RB1: variants seen among roughly 807,000 people sequenced by gnomAD.
RB1 encodes RB transcriptional corepressor 1.
A neutral mutation model predicts 135.4 loss-of-function variants in RB1; 18 were observed. The observed-to-expected ratio is 0.13, with a 90% CI of 0.09 to 0.20. RB1 has a LOEUF of 0.20. Among genes scored for constraint, RB1 ranks in the 10% least tolerant of loss-of-function variants. The pLI is 1.00. For missense variants in RB1, 868 were observed against 1,110.0 expected (o/e 0.78, Z 3.10); for synonymous variants, 365 against 373.2 (o/e 0.98, Z 0.25).
intron 17 of RB1, among the ~76,000 whole-genome samples, chr13:48,399,918 A>AGG: frequency 6.6e-6 from 1 of 152,120 alleles, no homozygotes; most frequent in Non-Finnish European, 1.5e-5. Context: ...AGAAATATTC[A>AGG]TAACTTGTCT....
At chr13:48,361,934 C>CTT (rs1275247703) in intron 7 of RB1, among the ~76,000 whole-genome samples, 1 of 136,108 alleles carries the variant, frequency 7.3e-6, no homozygotes, top group South Asian at 2.3e-4. Flanking sequence ...TATACTTAAT[C>CTT]ATCTGTAATT....
rs1949386739 is a variant in RB1 at position 48,459,889 on chromosome 13, C to CTTTCT, written c.2106+59_2106+63dup. The CTTTCT allele has an allele frequency of 4.8e-4, 122 of 251,982 alleles. 13 individuals carry two copies. The African/African-American group carries it at 0.012, about 24-fold the overall frequency. The allele number at this position is 251,982 out of a possible 1,614,324, so 15.6% of individuals were successfully genotyped here. ...CTCCCTACTTACTTGTTAACTGATTCTTTCTTTCTTTCTTTCTTTCTTTCT... is the reference window on the plus strand; with the variant it reads ...CTCCCTACTTACTTGTTAACTGATTCTTTCTTTTCTTTCTTTCTTTCTTTCTTTCT... On this transcript the variant is annotated intron_variant, in intron 20 of 26. Transcript: ENST00000267163.
chr13:48,362,769 T>C, intron 7 of RB1, 46 bp from the exon 8 acceptor site: 1 of 1,569,950 alleles, frequency 6.4e-7, no homozygotes, highest in Non-Finnish European at 8.8e-7. Context: ...CATTATTTTA[T>C]ATGATGGATG....
chr13:48,317,084 G>GCCGT (rs2138048758), intron 2 of RB1: 1 of 867,740 alleles, frequency 1.2e-6, no homozygotes, highest in East Asian at 4.3e-5. Context: ...GCCAGGGCCC[G>GCCGT]CCGTCCTTCT....
At chr13:48,420,115 G>A (rs1203121606) in intron 17 of RB1, among the ~76,000 whole-genome samples, 1 of 152,198 alleles carries the variant, frequency 6.6e-6, no homozygotes, top group Admixed American at 6.5e-5. Flanking sequence ...TATCCTTGAT[G>A]AATATCGACG....
intron 2 of RB1, among the ~76,000 whole-genome samples, chr13:48,331,071 A>C (rs1228996818): frequency 6.6e-6 from 1 of 152,224 alleles, no homozygotes; most frequent in Non-Finnish European, 1.5e-5. Context: ...AGTGTTTGAC[A>C]AAACTTAACA....
At position 48,307,262 on chromosome 13, in the gene RB1, A is replaced by T. The variant is rs2138033730; in HGVS notation, c.138-18A>T. 6.3e-7 allele frequency: 1 copy of T among 1,593,574 alleles called. No homozygotes were observed. The highest frequency in any genetic ancestry group is 8.6e-7 in the Non-Finnish European group (1 of 1,161,718). On this transcript the variant is annotated intron_variant, in intron 1 of 26. Coordinates refer to ENST00000267163, the MANE Select transcript of RB1 (RefSeq NM_000321.3). Reference sequence around the variant, plus strand: ...TTTATAAGTATATGCCAATTATATGATTATTTTCATTTGGTAGGCTTGAGT... The same window carrying T: ...TTTATAAGTATATGCCAATTATATGTTTATTTTCATTTGGTAGGCTTGAGT...
chr13:48,452,911 A>G (rs1949336725), intron 17 of RB1, 82 bp from the exon 18 acceptor site: 1 of 1,586,822 alleles, frequency 6.3e-7, no homozygotes, highest in Non-Finnish European at 8.6e-7. Context: ...AGTACTTACC[A>G]TGTCAAACAA....
chr13:48,333,686 T>C (rs1952356922), intron 2 of RB1, among the ~76,000 whole-genome samples: 1 of 151,982 alleles, frequency 6.6e-6, no homozygotes, highest in Admixed American at 6.6e-5. Flanking sequence ...AACTTACACT[T>C]TGGTGGTTCA....
Position 48,363,204 on chromosome 13 carries a change from G to GT in RB1, c.861+262dup, listed in dbSNP as rs11332935. Reference sequence around the variant, plus strand: ...ATCAAGACAATAGTTTTCAAATGTAGTTTTTTTTTTTTTTTATTCCTCTGA... The same window carrying GT: ...ATCAAGACAATAGTTTTCAAATGTAGTTTTTTTTTTTTTTTTATTCCTCTGA... On this transcript the variant is annotated intron_variant, in intron 8 of 26. Coordinates refer to ENST00000267163, the MANE Select transcript of RB1 (RefSeq NM_000321.3). Among the ~76,000 whole-genome samples, 4,058 of 141,600 alleles carry GT rather than the reference G, an allele frequency of 0.029. 145 individuals are homozygous for GT. Among genetic ancestry groups the GT allele is most frequent in the African/African-American group, 0.089 (3,352 of 37,724 alleles). The allele number at this position is 141,600 out of a possible 152,430, so 92.9% of individuals were successfully genotyped here.
At chr13:48,335,640 C>T (rs1321546289) in intron 2 of RB1, among the ~76,000 whole-genome samples, 12 of 150,232 alleles carry the variant, frequency 8.0e-5, no homozygotes, top group African/African-American at 2.9e-4. Flanking sequence ...TGCCCATTTT[C>T]CCCCCATTTT....
intron 11 of RB1, among the ~76,000 whole-genome samples, chr13:48,372,657 A>G (rs566151159): frequency 4.6e-5 from 7 of 152,066 alleles, no homozygotes; most frequent in Non-Finnish European, 1.0e-4. Flanking sequence ...TCTCAAAAAA[A>G]AAAAAGAAAA....
At chr13:48,397,166 A>T (rs371026681) in intron 17 of RB1, among the ~76,000 whole-genome samples, 181 of 152,356 alleles carry the variant, frequency 1.2e-3, no homozygotes, top group African/African-American at 4.0e-3. Context: ...AAGGATTATA[A>T]ATCATTCTAC....
chr13:48,364,277 G>C (rs1160735993), intron 8 of RB1, among the ~76,000 whole-genome samples: 1 of 152,074 alleles, frequency 6.6e-6, no homozygotes, highest in Non-Finnish European at 1.5e-5. Flanking sequence ...GGCATGTCTT[G>C]AATGTACAAA....
rs368615606 is a variant in RB1, at chr13:48,307,240, A to G, written c.138-40A>G. On this transcript the variant is annotated intron_variant, in intron 1 of 26. Transcript: ENST00000267163. ...AGTATGTACTGAATCAATTTGATTT[A>G]TAAGTATATGCCAATTATATGATTA... 2.6e-6 allele frequency: 4 copies of G among 1,549,546 alleles called. No homozygotes were observed. The African/African-American group carries it at 5.4e-5, about 21-fold the overall frequency.
At chr13:48,348,343 C>T (rs1349608031) in intron 5 of RB1, among the ~76,000 whole-genome samples, 1 of 151,818 alleles carries the variant, frequency 6.6e-6, no homozygotes, top group African/African-American at 2.4e-5. Flanking sequence ...ATGAGATTTT[C>T]TGCCTCATTG....
chr13:48,308,926 G>A (rs1159062835), intron 2 of RB1, among the ~76,000 whole-genome samples: 1 of 151,918 alleles, frequency 6.6e-6, no homozygotes, highest in African/African-American at 2.4e-5. Context: ...TCTCATATGA[G>A]CATTTTCTTA....
At chr13:48,465,474 T>C (rs1421803276) in intron 23 of RB1, 106 bp downstream of exon 23, 30 of 1,160,348 alleles carry the variant, frequency 2.6e-5, no homozygotes, top group Non-Finnish European at 2.5e-6. Context: ...GCTAGACTCT[T>C]GAAACTCTAT....
intron 17 of RB1, among the ~76,000 whole-genome samples, chr13:48,407,369 G>T (rs924934065): frequency 6.6e-6 from 1 of 152,156 alleles, no homozygotes; most frequent in African/African-American, 2.4e-5. Flanking sequence ...AGACAGGAAG[G>T]TAGGAGAGGC....
Sources: allele counts gnomAD v4.1 joint callset (sites outside exome capture counted in the v4.1 genomes callset), GRCh38; gene constraint gnomAD v4.1.1; transcripts MANE v1.5; gene names NCBI Gene and HGNC (gene_info 2026-07-23, HGNC 2026-07-21).